The following SKIC2 variants were observed in gnomAD, a reference collection of about 807,000 sequenced individuals.
The protein encoded by SKIC2 is superkiller complex protein 2.
the SKIC2 span, chr6:31,967,484 T>C: frequency 1.1e-6 from 1 of 880,102 alleles, no homozygotes; most frequent in East Asian, 2.5e-5. The surrounding 1 kb of genome is among the most constrained non-coding windows in gnomAD (Gnocchi z 4.9). Context: ...GCCCTCATTT[T>C]CCCCTCTTGC....
chr6:31,965,937 T>A, the SKIC2 span: 7 of 1,612,950 alleles, frequency 4.3e-6, no homozygotes, highest in Non-Finnish European at 5.9e-6. The surrounding 1 kb of genome is among the most constrained non-coding windows in gnomAD (Gnocchi z 5.6). Context: ...CGGAGGGGCC[T>A]GGACCCCACA....
At chr6:31,968,854 C>T in the SKIC2 span, 2 of 1,611,820 alleles carry the variant, frequency 1.2e-6, no homozygotes, top group Non-Finnish European at 1.7e-6. The surrounding 1 kb of genome is among the most constrained non-coding windows in gnomAD (Gnocchi z 6.1). Context: ...GTCCAATGCC[C>T]ACCCTTTTTC....
chr6:31,962,907 T>G, the SKIC2 span: 1 of 1,329,878 alleles, frequency 7.5e-7, no homozygotes, highest in Non-Finnish European at 1.1e-6. This position sits in a 1 kb window ranked among gnomAD's most constrained non-coding sequence, Gnocchi z 5.0. Context: ...TTTACCCCCA[T>G]ATGGAATCCT....
the SKIC2 span, chr6:31,961,001 C>A: frequency 1.4e-6 from 2 of 1,403,592 alleles, no homozygotes; most frequent in Admixed American, 1.7e-5. Flanking sequence ...AATTTGTTCA[C>A]CAGTGTGCAG....
chr6:31,968,415 C>T, the SKIC2 span: 10 of 1,612,986 alleles, frequency 6.2e-6, no homozygotes, highest in African/African-American at 2.7e-5. This position sits in a 1 kb window ranked among gnomAD's most constrained non-coding sequence, Gnocchi z 6.1. Context: ...CTCCCACCCT[C>T]GACCCTGTCA....
At chr6:31,961,443 G>A in the SKIC2 span, 1 of 1,528,012 alleles carries the variant, frequency 6.5e-7, no homozygotes, top group African/African-American at 1.4e-5. Flanking sequence ...GATGTGGGCT[G>A]GCTAGGATGG....
chr6:31,965,953 C>T, the SKIC2 span: 21 of 1,612,298 alleles, frequency 1.3e-5, no homozygotes, highest in East Asian at 4.5e-5. The surrounding 1 kb of genome is among the most constrained non-coding windows in gnomAD (Gnocchi z 5.6). Flanking sequence ...CCACAGGCAC[C>T]GTTATCCTGC....
At chr6:31,968,411 C>A in the SKIC2 span, 1 of 1,612,862 alleles carries the variant, frequency 6.2e-7, no homozygotes, top group Non-Finnish European at 8.5e-7. This position sits in a 1 kb window ranked among gnomAD's most constrained non-coding sequence, Gnocchi z 6.1. Context: ...GGACCTCCCA[C>A]CCTCGACCCT....
chr6:31,968,988 C>G, the SKIC2 span: 1 of 1,612,924 alleles, frequency 6.2e-7, no homozygotes, highest in Non-Finnish European at 8.5e-7. The surrounding 1 kb of genome is among the most constrained non-coding windows in gnomAD (Gnocchi z 6.1). Context: ...TGACAATGCA[C>G]TGAGCACCCT....
chr6:31,962,733 T>C, the SKIC2 span: 1 of 1,612,856 alleles, frequency 6.2e-7, no homozygotes, highest in South Asian at 1.1e-5. The surrounding 1 kb of genome is among the most constrained non-coding windows in gnomAD (Gnocchi z 5.0). Flanking sequence ...GTACAGTGGC[T>C]CAGATGTTAT....
At chr6:31,969,741 A>T in the SKIC2 span, 1 of 1,583,528 alleles carries the variant, frequency 6.3e-7, no homozygotes, top group Non-Finnish European at 8.6e-7. The surrounding 1 kb of genome is among the most constrained non-coding windows in gnomAD (Gnocchi z 6.1). Context: ...ACATGATGAT[A>T]AAACAGCAAA....
the SKIC2 span, chr6:31,966,060 C>A: frequency 1.8e-5 from 22 of 1,239,050 alleles, no homozygotes; most frequent in Non-Finnish European, 2.4e-5. This position sits in a 1 kb window ranked among gnomAD's most constrained non-coding sequence, Gnocchi z 5.9. Context: ...CAGGACCTTG[C>A]TGGATTCTGT....
At chr6:31,960,512 A>AT in the SKIC2 span, 1 of 1,613,754 alleles carries the variant, frequency 6.2e-7, no homozygotes, top group East Asian at 2.2e-5. Flanking sequence ...CCCAGTCCTT[A>AT]TGGGGAAATC....
chr6:31,960,979 T>C, the SKIC2 span: 14 of 1,225,608 alleles, frequency 1.1e-5, no homozygotes, highest in Middle Eastern at 1.9e-4. Flanking sequence ...TTTAGGTTTA[T>C]ATAATGTACA....
the SKIC2 span, chr6:31,968,471 G>A: frequency 1.5e-5 from 24 of 1,612,850 alleles, no homozygotes; most frequent in Middle Eastern, 1.6e-4. The surrounding 1 kb of genome is among the most constrained non-coding windows in gnomAD (Gnocchi z 6.1). Flanking sequence ...GGTGGGCTCC[G>A]GGCCCGGAAG....
chr6:31,961,868 C>T, the SKIC2 span: 19 of 1,608,154 alleles, frequency 1.2e-5, no homozygotes, highest in Admixed American at 3.3e-5. Context: ...AGCAAGGCCC[C>T]GCTCCTTTCT....
At chr6:31,962,572 A>G in the SKIC2 span, 1 of 1,613,416 alleles carries the variant, frequency 6.2e-7, no homozygotes, top group Non-Finnish European at 8.5e-7. The surrounding 1 kb of genome is among the most constrained non-coding windows in gnomAD (Gnocchi z 5.0). Flanking sequence ...CATCATGACC[A>G]CAGAGATCCT....
chr6:31,966,774 A>G, the SKIC2 span: 1 of 1,614,082 alleles, frequency 6.2e-7, no homozygotes, highest in Non-Finnish European at 8.5e-7. The surrounding 1 kb of genome is among the most constrained non-coding windows in gnomAD (Gnocchi z 5.9). Flanking sequence ...ACTTGCTGCG[A>G]GTGGATGCCC....
chr6:31,969,402 T>C, the SKIC2 span: 1 of 1,614,144 alleles, frequency 6.2e-7, no homozygotes, highest in Non-Finnish European at 8.5e-7. The surrounding 1 kb of genome is among the most constrained non-coding windows in gnomAD (Gnocchi z 6.1). Flanking sequence ...AGGTTGTATA[T>C]GAGTGGGCCC....
Sources: gnomAD v4.1 joint callset for allele counts on GRCh38, gnomAD v4.1.1 for gene constraint, Gnocchi (gnomAD v3.1) non-coding constraint, MANE v1.5 for transcripts, NCBI Gene and HGNC (gene_info 2026-07-23, HGNC 2026-07-21) for gene names.